NOL10: variants seen among roughly 807,000 people sequenced by gnomAD.
NOL10 encodes H_NH0074G24.1.
A neutral mutation model predicts 103.5 loss-of-function variants in NOL10; 58 were observed. That is an observed-to-expected ratio of 0.56 (90% CI 0.45 to 0.70). NOL10 has a LOEUF of 0.70. Among genes scored for constraint, NOL10 ranks in the 30% least tolerant of loss-of-function variants. NOL10 has a pLI of 0.00. For missense variants in NOL10, 763 were observed against 807.3 expected, an observed-to-expected ratio of 0.95 and a Z score of 0.67; for synonymous variants, 287 against 282.5, an observed-to-expected ratio of 1.02 and a Z score of -0.16.
At chr2:10,671,468 A>G in intron 6 of NOL10, 86 bp downstream of exon 6, 1 of 1,180,642 alleles carries the variant, frequency 8.5e-7, no homozygotes, top group Non-Finnish European at 1.1e-6. Flanking sequence ...CAAGTTACCT[A>G]AACAGAGAAA....
intron 12 of NOL10, among the ~76,000 whole-genome samples, chr2:10,646,325 C>A (rs1028243790): frequency 2.0e-4 from 30 of 152,200 alleles, no homozygotes; most frequent in African/African-American, 7.2e-4. Context: ...CCTGAACACT[C>A]AACAATGAAC....
chr2:10,679,088 G>A (rs752996518), intron 3 of NOL10, among the ~76,000 whole-genome samples: 5 of 151,942 alleles, frequency 3.3e-5, no homozygotes, highest in East Asian at 3.9e-4. Context: ...GGCCGGGTGC[G>A]GTGGCTTACA....
chr2:10,613,952 T>C (rs1401833966), intron 13 of NOL10, among the ~76,000 whole-genome samples: 1 of 136,266 alleles, frequency 7.3e-6, no homozygotes, highest in East Asian at 2.1e-4. Flanking sequence ...AGGGTTTTTA[T>C]CCCCCATTAG....
intron 19 of NOL10, among the ~76,000 whole-genome samples, chr2:10,588,045 C>T (rs1183478211): frequency 3.3e-5 from 5 of 152,280 alleles, no homozygotes; most frequent in South Asian, 4.2e-4. Context: ...CTATCATATT[C>T]CAATCTTGTG....
At chr2:10,651,157 G>T (rs1273857639) in intron 12 of NOL10, among the ~76,000 whole-genome samples, 1 of 152,122 alleles carries the variant, frequency 6.6e-6, no homozygotes, top group African/African-American at 2.4e-5. Context: ...AGCTGTTTAG[G>T]CACACAGCCT....
At chr2:10,576,779 T>C (rs558990295) in intron 20 of NOL10, among the ~76,000 whole-genome samples, 3 of 152,164 alleles carry the variant, frequency 2.0e-5, no homozygotes, top group Non-Finnish European at 4.4e-5. Flanking sequence ...TGTTCTGGAA[T>C]TACACAGTGT....
At chr2:10,639,193 C>G (rs927722724) in intron 13 of NOL10, among the ~76,000 whole-genome samples, 5 of 152,006 alleles carry the variant, frequency 3.3e-5, no homozygotes, top group Non-Finnish European at 7.4e-5. Flanking sequence ...GAGGCCGAGG[C>G]AGGCGGATCA....
At chr2:10,633,347 CA>C (rs1168454626) in intron 13 of NOL10, among the ~76,000 whole-genome samples, 1 of 151,906 alleles carries the variant, frequency 6.6e-6, no homozygotes, top group African/African-American at 2.4e-5. Context: ...GGTACCACCG[CA>C]AAAGGCTCTA....
rs1675460830 is a variant in NOL10 at position 10,592,837 on chromosome 2, GT to G, written c.1423-3087del. Among the ~76,000 whole-genome samples the G allele has an allele frequency of 2.0e-5, 3 of 152,020 alleles. 1 individual carries two copies. Among genetic ancestry groups the G allele is most frequent in the South Asian group, 4.2e-4 (2 of 4,806 alleles). On this transcript the variant is annotated intron_variant, in intron 17 of 20. Coordinates refer to ENST00000381685, the MANE Select transcript of NOL10 (RefSeq NM_024894.4). ...AGCTTGTAAAAATATTTCCCTCAGG[GT>G]TTTTTCCTAGTCTGTTTGTTTTCAC...
chr2:10,688,139 A>G (rs902837401), intron 1 of NOL10, among the ~76,000 whole-genome samples: 28 of 152,004 alleles, frequency 1.8e-4, no homozygotes, highest in Non-Finnish European at 3.4e-4. Context: ...CCTATCTACA[A>G]AGTATGTCCT....
chr2:10,623,971 T>C (rs1215211192), intron 13 of NOL10, among the ~76,000 whole-genome samples: 2 of 152,204 alleles, frequency 1.3e-5, no homozygotes, highest in Non-Finnish European at 2.9e-5. Context: ...TCTTTATTCT[T>C]GTTGCACAGC....
chr2:10,589,400 C>A, intron 18 of NOL10, 110 bp from the exon 19 acceptor site: 1 of 1,415,282 alleles, frequency 7.1e-7, no homozygotes. Flanking sequence ...AGCTGCTCTA[C>A]TGCATGCATC....
At position 10,668,684 on chromosome 2, in the gene NOL10, G is replaced by A. The variant is rs908030287; in HGVS notation, c.504C>T (p.Tyr168=). The A allele has an allele frequency of 1.9e-6, 3 of 1,546,092 alleles. No homozygotes were observed. The highest frequency in any genetic ancestry group is 2.3e-5 in the East Asian group (1 of 43,644). ...VYRLNLEQGR[Y]LNPLQTDAAE... is the part of the protein sequence containing the mutation. ...CAGCATCAGTTTGTAGAGGATTCAGGTATCGTCCTTGTTCTAAGTTTAACC... is the reference window on the plus strand; with the variant it reads ...CAGCATCAGTTTGTAGAGGATTCAGATATCGTCCTTGTTCTAAGTTTAACC... Residue 168 remains tyrosine, a synonymous_variant, in exon 7 of 21, where the codon TAC becomes TAT. Coordinates refer to ENST00000381685, the MANE Select transcript of NOL10 (RefSeq NM_024894.4).
chr2:10,609,498 G>A (rs1676442225), intron 13 of NOL10, among the ~76,000 whole-genome samples: 1 of 151,868 alleles, frequency 6.6e-6, no homozygotes, highest in Non-Finnish European at 1.5e-5. Context: ...TACTCGGGAG[G>A]CTGAGGCAGG....
intron 19 of NOL10, among the ~76,000 whole-genome samples, 155 bp from the exon 20 acceptor site, chr2:10,577,893 G>A (rs1320171168): frequency 6.6e-6 from 1 of 152,164 alleles, no homozygotes; most frequent in Non-Finnish European, 1.5e-5. Context: ...AAAGAATTAG[G>A]TGCATTCAAA....
intron 3 of NOL10, among the ~76,000 whole-genome samples, chr2:10,679,619 T>TC (rs1491385467): frequency 8.4e-5 from 12 of 143,630 alleles, no homozygotes; most frequent in African/African-American, 2.7e-4. Flanking sequence ...TTTCTCTCTC[T>TC]TTCTCTCTCT....
chr2:10,644,921 T>C (rs1231407740), intron 12 of NOL10, among the ~76,000 whole-genome samples: 1 of 152,194 alleles, frequency 6.6e-6, no homozygotes, highest in Non-Finnish European at 1.5e-5. Flanking sequence ...TTCTCTGCCA[T>C]TTTTGCAACA....
intron 19 of NOL10, among the ~76,000 whole-genome samples, chr2:10,581,932 T>C (rs1393677322): frequency 2.0e-5 from 3 of 152,050 alleles, no homozygotes; most frequent in Non-Finnish European, 4.4e-5. Flanking sequence ...AAGAGAGAAG[T>C]GTGGTGCACA....
chr2:10,573,179 C>T (rs1233103039), intron 20 of NOL10, among the ~76,000 whole-genome samples: 2 of 152,012 alleles, frequency 1.3e-5, no homozygotes, highest in Non-Finnish European at 2.9e-5. Context: ...CCCAGGGAAC[C>T]TGCTTCTCTG....
Sources: allele counts gnomAD v4.1 joint callset (sites outside exome capture counted in the v4.1 genomes callset), GRCh38; gene constraint gnomAD v4.1.1; transcripts MANE v1.5; gene names NCBI Gene and HGNC (gene_info 2026-07-23, HGNC 2026-07-21).